The following PTGS1 variants were observed in gnomAD, a reference collection of about 807,000 sequenced individuals.
PTGS1 encodes prostaglandin G/H synthase 1.
PTGS1 carries 40 observed loss-of-function variants against 63.0 expected under a neutral mutation model. The ratio of observed to expected loss-of-function variants is 0.63; its 90% CI spans 0.49 to 0.83. The LOEUF (loss-of-function observed/expected upper bound fraction) is 0.83, where lower values mean the gene tolerates loss of function less well. Ranked by LOEUF, PTGS1 falls within the 40% of genes least tolerant of loss-of-function variation. PTGS1 has a pLI of 0.00. For synonymous variants in PTGS1, 298 were observed against 301.9 expected, an observed-to-expected ratio of 0.99 and a Z score of 0.13; for missense variants, 709 against 786.5, an observed-to-expected ratio of 0.90 and a Z score of 1.18.
intron 9 of PTGS1, among the ~76,000 whole-genome samples, chr9:122,389,974 C>CA (rs951080998): frequency 5.6e-4 from 82 of 147,438 alleles, no homozygotes; most frequent in Non-Finnish European, 9.6e-4. Context: ...AAAAAACCCA[C>CA]AAAAAAAAAA....
At chr9:122,376,997 T>C (rs111543156) in intron 2 of PTGS1, among the ~76,000 whole-genome samples, 19 of 152,244 alleles carry the variant, frequency 1.2e-4, no homozygotes, top group African/African-American at 4.1e-4. Flanking sequence ...ATGCCAGAGC[T>C]CCATGCACCC....
At chr9:122,370,785 G>A (rs995222102), upstream of PTGS1, 10 of 587,732 alleles carry the variant, frequency 1.7e-5, no homozygotes, top group East Asian at 2.5e-4. Context: ...TCAGCATTGA[G>A]CATCGTCTCT....
chr9:122,391,895 T>C (rs1439546060), intron 10 of PTGS1, among the ~76,000 whole-genome samples: 12 of 152,034 alleles, frequency 7.9e-5, no homozygotes, highest in Admixed American at 3.9e-4. Context: ...GGGCCCAGAG[T>C]TGCTCAAGGT....
chr9:122,380,653 G>A (rs1837455225), intron 5 of PTGS1, among the ~76,000 whole-genome samples: 1 of 152,178 alleles, frequency 6.6e-6, no homozygotes, highest in Non-Finnish European at 1.5e-5. Flanking sequence ...AAACTGAATA[G>A]ATGTGACATG....
intron 2 of PTGS1, 50 bp from the exon 3 acceptor site, chr9:122,377,849 G>A (rs201829226): frequency 6.5e-7 from 1 of 1,529,732 alleles, no homozygotes; most frequent in East Asian, 2.2e-5. Flanking sequence ...CTAGATGGGG[G>A]TCAGGAGGCC....
chr9:122,378,914 C>A lies in PTGS1; in HGVS notation c.492C>A (p.Thr164=). ...VPKDCPTPMG[T]KGKKQLPDAQ... is the part of the protein sequence containing the mutation. ...AAGATTGCCCCACACCCATGGGAAC[C>A]AAAGGTAAAATGGGGTGAGGAGCTG... The change falls in exon 5 of 11, where the codon ACC becomes ACA. Residue 164 remains threonine (T), a synonymous_variant. Coordinates refer to ENST00000362012, the MANE Select transcript of PTGS1 (RefSeq NM_000962.4). 6.2e-7 allele frequency: 1 copy of A among 1,614,152 alleles called. No homozygotes were observed. The highest frequency in any genetic ancestry group is 8.5e-7 in the Non-Finnish European group (1 of 1,180,000).
Position 122,375,558 on chromosome 9 carries a change from G to A in PTGS1, c.95-2341G>A, listed in dbSNP as rs527317876. 8.2e-5 allele frequency: 74 copies of A among 901,062 alleles called. No individual in the cohort carries two copies. In the African/African-American group the frequency reaches 1.3e-3, roughly 16 times the overall value. 55.8% of individuals were successfully genotyped at this position (901,062 alleles called of 1,614,324 possible). On this transcript the variant is annotated intron_variant, in intron 2 of 10. Transcript: ENST00000362012. ...CCCAACTGTGTGCATAGCCTGTGCT[G>A]GGGGAAGAGAAAGCCTTAAGGGAAG...
chr9:122,374,968 C>T (rs1314539222), intron 2 of PTGS1, among the ~76,000 whole-genome samples: 1 of 152,180 alleles, frequency 6.6e-6, no homozygotes, highest in East Asian at 1.9e-4. Flanking sequence ...GTCTCACCTA[C>T]CTCTCTTAGG....
chr9:122,382,047 A>C (rs1447932568), intron 7 of PTGS1, among the ~76,000 whole-genome samples: 1 of 152,230 alleles, frequency 6.6e-6, no homozygotes, highest in Non-Finnish European at 1.5e-5. Flanking sequence ...GGACACGAGA[A>C]TATACCTGGC....
At chr9:122,374,158 G>A (rs752878734) in intron 2 of PTGS1, among the ~76,000 whole-genome samples, 10 of 152,170 alleles carry the variant, frequency 6.6e-5, no homozygotes, top group Non-Finnish European at 1.5e-4. Context: ...TTTGGGCTGC[G>A]TGTGTCTGGC....
At chr9:122,378,245 C>A (rs905558658) in intron 3 of PTGS1, among the ~76,000 whole-genome samples, 188 bp from the exon 4 acceptor site, 2 of 152,212 alleles carry the variant, frequency 1.3e-5, no homozygotes, top group African/African-American at 4.8e-5. Context: ...CATGCCCTGG[C>A]CCCTGTCCTC....
chr9:122,370,914 G>C (rs989575499), upstream of PTGS1: 74 of 1,104,002 alleles, frequency 6.7e-5, no homozygotes, highest in Middle Eastern at 1.2e-3. Flanking sequence ...AAAATGCCTT[G>C]GCCGGGGCTG....
intron 2 of PTGS1, among the ~76,000 whole-genome samples, chr9:122,377,475 C>T (rs78673770): frequency 2.6e-5 from 4 of 151,466 alleles, no homozygotes; most frequent in Admixed American, 2.0e-4. Context: ...ACCGCCCCCC[C>T]ACCCCCCGCC....
chr9:122,371,232 G>C lies in PTGS1; in HGVS notation c.54G>C (p.Pro18=). The C allele has an allele frequency of 6.2e-7, 1 of 1,607,774 alleles. No homozygotes were observed. The highest frequency in any genetic ancestry group is 2.2e-5 in the East Asian group (1 of 44,870). ...WFLLFLLLLP[P]LPVLLADPGA... is the part of the protein sequence containing the mutation. ...TGCTGTTCCTGCTCCTGCTCCCGCC[G>C]CTCCCCGTCCTGCTCGCGGACCCAG... The change falls in exon 2 of 11, where the codon CCG becomes CCC. Residue 18 remains proline (P), a synonymous_variant. Coordinates refer to ENST00000362012, the MANE Select transcript of PTGS1 (RefSeq NM_000962.4).
intron 9 of PTGS1, among the ~76,000 whole-genome samples, chr9:122,388,677 C>G (rs1588139604): frequency 6.6e-6 from 1 of 152,212 alleles, no homozygotes; most frequent in Non-Finnish European, 1.5e-5. Flanking sequence ...TCTCAAGGCT[C>G]TATGCCTCCT....
chr9:122,388,343 G>A (rs1461110715), intron 9 of PTGS1, among the ~76,000 whole-genome samples: 1 of 152,148 alleles, frequency 6.6e-6, no homozygotes, highest in African/African-American at 2.4e-5. Context: ...AGGATATTAA[G>A]AAGAGTGAGT....
chr9:122,381,693 T>C lies in PTGS1; in HGVS notation c.708T>C (p.Asn236=). The C allele has an allele frequency of 6.2e-7, 1 of 1,614,164 alleles. No individual in the cohort carries two copies. The highest frequency in any genetic ancestry group is 8.5e-7 in the Non-Finnish European group (1 of 1,180,022). Residue 236 remains asparagine, a synonymous_variant, in exon 7 of 11, where the codon AAT becomes AAC. Transcript: ENST00000362012. ...ACCTCGGCCACATTTATGGAGACAA[T>C]CTGGAGCGTCAGTATCAACTGCGGC... The part of the protein sequence containing the change: ...GVDLGHIYGD[N]LERQYQLRLF...
intron 8 of PTGS1, 30 bp downstream of exon 8, chr9:122,383,785 A>G (rs763617721): frequency 2.5e-6 from 4 of 1,593,036 alleles, no homozygotes; most frequent in Non-Finnish European, 3.4e-6. Flanking sequence ...CCTGCCCTGG[A>G]AGGTCATTCC....
At position 122,386,626 on chromosome 9, in the gene PTGS1, G is replaced by A. The variant is rs1837890452; in HGVS notation, c.1190G>A (p.Gly397Asp). Reference protein sequence around the residue: ...HPLMPDSFKVGSQEYSYEQFL... With the variant: ...HPLMPDSFKVDSQEYSYEQFL... ...CTCATGCCTGACTCCTTCAAGGTGG[G>A]CTCCCAGGAGTACAGCTACGAGCAG... is the stretch of plus-strand genomic sequence containing the variant. The change falls in exon 9 of 11, where the codon GGC (glycine) becomes GAC (aspartate). Residue 397 changes from glycine (G) to aspartate (D), a missense_variant. Gly to Asp is a moderately conservative substitution (Grantham distance 94). Coordinates refer to ENST00000362012, the MANE Select transcript of PTGS1 (RefSeq NM_000962.4). The A allele has an allele frequency of 1.9e-6, 3 of 1,614,052 alleles. No homozygotes were observed. Among genetic ancestry groups the A allele is most frequent in the Admixed American group, 3.3e-5 (2 of 60,004 alleles).
Sources: allele counts gnomAD v4.1 joint callset (sites outside exome capture counted in the v4.1 genomes callset), GRCh38; gene constraint gnomAD v4.1.1; transcripts MANE v1.5; gene names NCBI Gene and HGNC (gene_info 2026-07-23, HGNC 2026-07-21).